The following ROBO2 variants were observed in gnomAD, a reference collection of about 807,000 sequenced individuals.
ROBO2 encodes the protein roundabout homolog 2.
ROBO2 carries 53 observed loss-of-function variants against 160.8 expected under a neutral mutation model. That is an observed-to-expected ratio of 0.33 (90% CI 0.26 to 0.41). The LOEUF (loss-of-function observed/expected upper bound fraction) is 0.41. Ranked by LOEUF, ROBO2 falls within the 10% of genes least tolerant of loss-of-function variation. The probability of loss-of-function intolerance (pLI) is 1.00; values close to 1 mark genes in which losing one functional copy is unlikely to be tolerated. For missense variants in ROBO2, 1,577 were observed against 1,722.4 expected (o/e 0.92, Z 1.49); for synonymous variants, 664 against 611.7 (o/e 1.09, Z -1.26).
At chr3:76,446,372 T>C (rs990959886) in intron 2 of ROBO2, among the ~76,000 whole-genome samples, 2 of 152,206 alleles carry the variant, frequency 1.3e-5, no homozygotes, top group African/African-American at 4.8e-5. Flanking sequence ...TACAAATCAC[T>C]GCTCAACGAA....
intron 2 of ROBO2, among the ~76,000 whole-genome samples, chr3:76,455,222 C>G (rs1005067752): frequency 1.3e-5 from 2 of 152,038 alleles, no homozygotes; most frequent in Admixed American, 6.6e-5. Context: ...TCCTTGCTTT[C>G]AAAAAATTGA....
intron 2 of ROBO2, among the ~76,000 whole-genome samples, chr3:77,165,994 C>A (rs140024613): frequency 6.6e-6 from 1 of 152,158 alleles, no homozygotes; most frequent in Non-Finnish European, 1.5e-5. Flanking sequence ...ATGTACAACA[C>A]GTACCATTTG....
intron 2 of ROBO2, among the ~76,000 whole-genome samples, chr3:76,632,838 C>T (rs1169454307): frequency 6.6e-6 from 1 of 152,190 alleles, no homozygotes; most frequent in Non-Finnish European, 1.5e-5. Flanking sequence ...TCCATCTCCT[C>T]ATATATTATG....
intron 2 of ROBO2, among the ~76,000 whole-genome samples, chr3:77,030,453 C>T (rs1445662905): frequency 6.6e-6 from 1 of 152,100 alleles, no homozygotes; most frequent in Admixed American, 6.5e-5. Context: ...TTGGTATGTA[C>T]AAAGTTTCCT....
At chr3:77,545,072 C>A (rs1391517483) in intron 6 of ROBO2, among the ~76,000 whole-genome samples, 1 of 152,070 alleles carries the variant, frequency 6.6e-6, no homozygotes, top group Non-Finnish European at 1.5e-5. Context: ...TACCATTTTA[C>A]TAGCCTCCCA....
intron 2 of ROBO2, among the ~76,000 whole-genome samples, chr3:76,847,817 C>A (rs1316207391): frequency 6.6e-6 from 1 of 152,040 alleles, no homozygotes; most frequent in Non-Finnish European, 1.5e-5. Context: ...GGTGTAATAA[C>A]AAATTTTTTT....
At chr3:76,356,437 T>C (rs1346652138) in intron 2 of ROBO2, among the ~76,000 whole-genome samples, 1 of 151,648 alleles carries the variant, frequency 6.6e-6, no homozygotes, top group Non-Finnish European at 1.5e-5. Flanking sequence ...TGAATTCAAC[T>C]ATAAATATAT....
chr3:76,241,585 T>A (rs991490109), intron 2 of ROBO2, among the ~76,000 whole-genome samples: 24 of 152,302 alleles, frequency 1.6e-4, no homozygotes, highest in Middle Eastern at 6.8e-3. Context: ...ACTAAGTGAA[T>A]AGAGTAGCCC....
chr3:76,386,465 C>T (rs62262623), intron 2 of ROBO2, among the ~76,000 whole-genome samples: 2 of 151,730 alleles, frequency 1.3e-5, no homozygotes, highest in East Asian at 3.9e-4. Flanking sequence ...ATTCAGCACT[C>T]ATGAGGGTTG....
At chr3:77,097,030 G>A (rs1419759596) in intron 1 of ROBO2, among the ~76,000 whole-genome samples, 1 of 152,022 alleles carries the variant, frequency 6.6e-6, no homozygotes, top group Non-Finnish European at 1.5e-5. Context: ...AGTATCTTTC[G>A]ATTGTACAGA....
Position 76,567,763 on chromosome 3 carries a change from C to CTGTGTGTGTGTGTG in ROBO2, c.110-530229_110-530216dup, listed in dbSNP as rs71101900. On this transcript the variant is annotated intron_variant, in intron 2 of 26. Coordinates refer to the ROBO2 transcript ENST00000487694. ...CTGTTTTATATATATATATATCTGT[C>CTGTGTGTGTGTGTG]TGTGTGTGTGTGTGTGTGTGTGTGT... is the stretch of plus-strand genomic sequence containing the variant. Among the ~76,000 whole-genome samples, 138 of 88,364 alleles carry CTGTGTGTGTGTGTG rather than the reference C, an allele frequency of 1.6e-3. 2 individuals are homozygous for CTGTGTGTGTGTGTG. Among genetic ancestry groups the CTGTGTGTGTGTGTG allele is most frequent in the African/African-American group, 3.3e-3 (74 of 22,572 alleles). 58.0% of individuals were successfully genotyped at this position (88,364 alleles called of 152,430 possible).
chr3:76,580,342 G>GTTTTT (rs71101901), intron 2 of ROBO2, among the ~76,000 whole-genome samples: 2 of 90,558 alleles, frequency 2.2e-5, no homozygotes, highest in Non-Finnish European at 4.1e-5. Context: ...TTTTTTTTGT[G>GTTTTT]TTTTTTTTTT....
chr3:76,644,802 A>C (rs1252074890), intron 2 of ROBO2, among the ~76,000 whole-genome samples: 1 of 152,164 alleles, frequency 6.6e-6, no homozygotes, highest in East Asian at 1.9e-4. Flanking sequence ...GGACTGGGAG[A>C]TGCTGAGGCA....
At chr3:77,064,497 A>G (rs906571884) in intron 1 of ROBO2, among the ~76,000 whole-genome samples, 5 of 151,662 alleles carry the variant, frequency 3.3e-5, no homozygotes, top group Admixed American at 1.3e-4. Flanking sequence ...AGTAGCTGGG[A>G]TTACAGGCAT....
chr3:76,871,851 C>A (rs2072127638), intron 2 of ROBO2, among the ~76,000 whole-genome samples: 1 of 152,138 alleles, frequency 6.6e-6, no homozygotes, highest in South Asian at 2.1e-4. Context: ...CTAGACTGAC[C>A]ATAAATGTAA....
At chr3:76,884,164 G>A (rs796381229) in intron 2 of ROBO2, among the ~76,000 whole-genome samples, 15 of 152,120 alleles carry the variant, frequency 9.9e-5, no homozygotes, top group African/African-American at 3.6e-4. Context: ...TTTAAATTTG[G>A]CATAATTCTG....
At chr3:76,096,792 A>T (rs2069469475) in intron 2 of ROBO2, among the ~76,000 whole-genome samples, 1 of 152,220 alleles carries the variant, frequency 6.6e-6, no homozygotes, top group African/African-American at 2.4e-5. Context: ...CATTTATACA[A>T]CAATGTAACT....
intron 2 of ROBO2, among the ~76,000 whole-genome samples, chr3:76,319,526 A>G (rs1445263262): frequency 2.0e-5 from 3 of 152,056 alleles, no homozygotes; most frequent in Non-Finnish European, 2.9e-5. Context: ...TGAAAACAAA[A>G]TTATACTAAA....
intron 2 of ROBO2, among the ~76,000 whole-genome samples, chr3:76,212,128 C>T (rs1703183771): frequency 6.6e-6 from 1 of 151,724 alleles, no homozygotes; most frequent in Admixed American, 6.6e-5. Context: ...AGTAGGTGAA[C>T]CAGCTAACCT....
Sources: gnomAD v4.1 joint callset for allele counts (sites outside exome capture counted in the v4.1 genomes callset) on GRCh38, gnomAD v4.1.1 for gene constraint, MANE v1.5 for transcripts, NCBI Gene and HGNC (gene_info 2026-07-23, HGNC 2026-07-21) for gene names.